GALNT14: variants seen among roughly 807,000 people sequenced by gnomAD.
GALNT14 encodes polypeptide N-acetylgalactosaminyltransferase 14, also known as UDP-GalNAc:polypeptide N-acetylgalactosaminyltransferase 14.
Under a neutral mutation model 77.5 loss-of-function variants are expected in GALNT14, and 60 were observed. That is an observed-to-expected ratio of 0.77 (90% confidence interval 0.63 to 0.96). The LOEUF is 0.96. GALNT14 is among the 40% of genes least tolerant of loss of function. The pLI, the probability that GALNT14 is intolerant of heterozygous loss-of-function variation, is 0.00. For synonymous variants in GALNT14, 280 were observed against 281.7 expected, an observed-to-expected ratio of 0.99 and a Z score of 0.06; for missense variants, 710 against 731.0, an observed-to-expected ratio of 0.97 and a Z score of 0.33.
intron 2 of GALNT14, among the ~76,000 whole-genome samples, chr2:30,990,881 G>A (rs889384229): frequency 1.5e-4 from 23 of 152,266 alleles, no homozygotes; most frequent in Middle Eastern, 3.4e-3. Flanking sequence ...TCTAAATTCT[G>A]TCTAAATCCT....
intron 9 of GALNT14, among the ~76,000 whole-genome samples, chr2:30,940,885 G>C (rs1239876866): frequency 6.6e-6 from 1 of 152,170 alleles, no homozygotes; most frequent in African/African-American, 2.4e-5. Context: ...TGTTTTGTTT[G>C]CTGGGCATCC....
chr2:31,125,490 T>C (rs900787497), intron 1 of GALNT14, among the ~76,000 whole-genome samples: 2 of 152,064 alleles, frequency 1.3e-5, no homozygotes, highest in African/African-American at 2.4e-5. Flanking sequence ...TTCAGGAGAA[T>C]GGAAGGAAAA....
intron 2 of GALNT14, among the ~76,000 whole-genome samples, chr2:30,980,709 T>C (rs926068253): frequency 2.0e-5 from 3 of 152,154 alleles, no homozygotes; most frequent in Admixed American, 1.3e-4. Context: ...CTCTGTGAAA[T>C]GGCAATGACC....
chr2:30,972,032 C>T lies in GALNT14; in HGVS notation c.300-5730G>A, dbSNP rs898872950. ...CTCGGACACCCAGATACATGATCTT[C>T]CTCCTGCGGCATGCTGCCTTCATGG... is the stretch of plus-strand genomic sequence containing the variant. On this transcript the variant is annotated intron_variant, in intron 2 of 14. Transcript: ENST00000349752. Among the ~76,000 whole-genome samples, 3 of 152,246 alleles carry T rather than the reference C, an allele frequency of 2.0e-5. No individual in the cohort carries two copies. In the South Asian group the frequency reaches 6.2e-4, roughly 32 times the overall value.
Position 31,138,119 on chromosome 2 carries a change from A to G in GALNT14, c.-33T>C, listed in dbSNP as rs772429506. The G allele has an allele frequency of 5.0e-6, 8 of 1,612,836 alleles. No homozygotes were observed. Among genetic ancestry groups the G allele is most frequent in the Non-Finnish European group, 6.8e-6 (8 of 1,179,542 alleles). ...TTTGCCGCTTCCTCTCCGCGGCGCT[A>G]CGTCCCGGGGGCACCCCCCGGCGGT... On this transcript the variant is annotated 5_prime_UTR_variant, in exon 1 of 15. Coordinates refer to ENST00000349752, the MANE Select transcript of GALNT14 (RefSeq NM_024572.4).
At chr2:30,977,455 G>A (rs1668703111) in intron 2 of GALNT14, among the ~76,000 whole-genome samples, 1 of 152,044 alleles carries the variant, frequency 6.6e-6, no homozygotes, top group Non-Finnish European at 1.5e-5. Flanking sequence ...GAAAATCATG[G>A]GTGTGGGTCA....
chr2:31,093,160 A>T (rs939954832), intron 1 of GALNT14, among the ~76,000 whole-genome samples: 9 of 152,146 alleles, frequency 5.9e-5, no homozygotes, highest in African/African-American at 2.2e-4. Flanking sequence ...ACCATGTGGG[A>T]TCAGGAGCAG....
intron 9 of GALNT14, 147 bp from the exon 10 acceptor site, chr2:30,932,341 T>A: frequency 2.9e-6 from 2 of 700,046 alleles, no homozygotes; most frequent in South Asian, 3.8e-5. Flanking sequence ...CTGAGAGACC[T>A]CAGTTTCCCC....
chr2:31,065,326 T>G (rs1020851364), intron 1 of GALNT14: 4 of 152,210 alleles, frequency 2.6e-5, no homozygotes, highest in Non-Finnish European at 5.9e-5. Context: ...AAAGCACTCC[T>G]GTGGGTCTGT....
intron 1 of GALNT14, among the ~76,000 whole-genome samples, chr2:31,009,473 G>A (rs77813971): frequency 0.024 from 3,648 of 152,090 alleles, 48 homozygotes; most frequent in Non-Finnish European, 0.034. Flanking sequence ...CTCTCCACTC[G>A]TTACACTCTC....
chr2:31,035,491 T>TCTCC, intron 1 of GALNT14, among the ~76,000 whole-genome samples: 1 of 151,390 alleles, frequency 6.6e-6, no homozygotes, highest in East Asian at 2.0e-4. Context: ...CTCAAGTGTG[T>TCTCC]CTCCCAATAG....
intron 1 of GALNT14, among the ~76,000 whole-genome samples, chr2:31,074,715 G>A (rs1019880647): frequency 6.6e-5 from 10 of 152,152 alleles, no homozygotes; most frequent in Admixed American, 2.6e-4. Context: ...ACACTCATGC[G>A]AGCCCTCTTG....
chr2:31,064,734 C>T (rs1467003625), intron 1 of GALNT14, among the ~76,000 whole-genome samples: 1 of 152,032 alleles, frequency 6.6e-6, no homozygotes, highest in Admixed American at 6.6e-5. Context: ...CATCCAAACA[C>T]CACTACCTGA....
chr2:31,036,814 T>C (rs1036090696), intron 1 of GALNT14, among the ~76,000 whole-genome samples: 1 of 152,238 alleles, frequency 6.6e-6, no homozygotes, highest in African/African-American at 2.4e-5. Context: ...GCATTTTTAA[T>C]GTAAATAACA....
rs563442681 is a variant in GALNT14, at chr2:30,969,598, G to A, written c.300-3296C>T. Among the ~76,000 whole-genome samples, 36 of 152,320 alleles carry A rather than the reference G, an allele frequency of 2.4e-4. No individual in the cohort carries two copies. The South Asian group carries it at 6.8e-3, about 29-fold the overall frequency. On this transcript the variant is annotated intron_variant, in intron 2 of 14. Transcript: ENST00000349752. ...TGCCTGGAGTGGCAAAGATGGCTTC[G>A]TGGAGGAGGAGCTGCTGGATCTCAT...
At chr2:31,043,590 T>C (rs372724120) in intron 1 of GALNT14, among the ~76,000 whole-genome samples, 1 of 152,094 alleles carries the variant, frequency 6.6e-6, no homozygotes, top group African/African-American at 2.4e-5. Flanking sequence ...GGTCTGGCTG[T>C]GGGGCTCCAG....
At chr2:31,114,560 G>A (rs1678004982) in intron 1 of GALNT14, among the ~76,000 whole-genome samples, 1 of 152,048 alleles carries the variant, frequency 6.6e-6, no homozygotes, top group African/African-American at 2.4e-5. Flanking sequence ...AGAAGATCAA[G>A]TAGAAAAATA....
rs545958793 is a variant in GALNT14, at chr2:31,058,255, C to T, written c.130-65248G>A. 2.0e-5 allele frequency among the ~76,000 whole-genome samples: 3 copies of T among 152,316 alleles called. No homozygotes were observed. The East Asian group carries it at 5.8e-4, about 29-fold the overall frequency. ...GAGCAAGTCATTTCACCTCTCTGAG[C>T]CTCAGCCCCTGACCCGTGGGAAGGG... On this transcript the variant is annotated intron_variant, in intron 1 of 14. Transcript: ENST00000349752.
chr2:30,958,206 G>C (rs982664714), intron 4 of GALNT14, among the ~76,000 whole-genome samples, 191 bp downstream of exon 4: 1 of 152,066 alleles, frequency 6.6e-6, no homozygotes, highest in Non-Finnish European at 1.5e-5. Flanking sequence ...CAGAGAACCC[G>C]AGAAATTGTT....
Sources: allele counts gnomAD v4.1 joint callset (sites outside exome capture counted in the v4.1 genomes callset), GRCh38; gene constraint gnomAD v4.1.1; transcripts MANE v1.5; gene names NCBI Gene and HGNC (gene_info 2026-07-23, HGNC 2026-07-21).